GALNT17: variants seen among roughly 807,000 people sequenced by gnomAD.
The protein encoded by GALNT17 is UDP-GalNAc:polypeptide N-acetylgalactosaminyltransferase-like 3.
Under a neutral mutation model 63.7 loss-of-function variants are expected in GALNT17, and 29 were observed. That is an observed-to-expected ratio of 0.46 (90% CI 0.34 to 0.62). The LOEUF is 0.62. GALNT17 is among the 20% of genes least tolerant of loss of function. The pLI, the probability that GALNT17 is intolerant of heterozygous loss-of-function variation, is 0.01. For synonymous variants in GALNT17, 305 were observed against 318.3 expected (o/e 0.96, Z 0.45); for missense variants, 603 against 799.6 (o/e 0.75, Z 2.97).
At chr7:71,136,167 C>G (rs1787780546) in intron 1 of GALNT17, among the ~76,000 whole-genome samples, 1 of 152,196 alleles carries the variant, frequency 6.6e-6, no homozygotes, top group Non-Finnish European at 1.5e-5. Flanking sequence ...CCTCCGCCTG[C>G]TGCAGTGGGA....
In GALNT17 at chr7:71,146,180, G is replaced by C. The variant is rs1158056232; in HGVS notation, c.238+13140G>C. Among the ~76,000 whole-genome samples the C allele has an allele frequency of 2.0e-5, 3 of 152,092 alleles. No individual in the cohort carries two copies. The East Asian group carries it at 5.8e-4, about 29-fold the overall frequency. On this transcript the variant is annotated intron_variant, in intron 1 of 10. Transcript: ENST00000333538. ...GTCTCCTCTCAGCTCCCCACGCCCT[G>C]AGTGACTGCTGATCTCAAATGACAC...
chr7:71,622,206 G>A (rs74968761), intron 6 of GALNT17, among the ~76,000 whole-genome samples: 3,500 of 152,272 alleles, frequency 0.023, 141 homozygotes, highest in African/African-American at 0.079. Context: ...GCAACATGGC[G>A]GCTCTGCCAT....
intron 5 of GALNT17, among the ~76,000 whole-genome samples, chr7:71,440,498 C>T (rs896839968): frequency 7.2e-5 from 11 of 151,836 alleles, no homozygotes; most frequent in Admixed American, 2.0e-4. Context: ...CCTCAGCCTC[C>T]CAAGTAGCTG....
chr7:71,186,518 T>G (rs899115789), intron 1 of GALNT17, among the ~76,000 whole-genome samples: 3 of 152,128 alleles, frequency 2.0e-5, no homozygotes, highest in Admixed American at 2.0e-4. Context: ...AGCTGGAGAG[T>G]GTAAGAGCTT....
intron 6 of GALNT17, among the ~76,000 whole-genome samples, chr7:71,580,259 T>C (rs1285674402): frequency 6.6e-6 from 1 of 151,472 alleles, no homozygotes; most frequent in East Asian, 1.9e-4. Flanking sequence ...AAATAGATGA[T>C]AGTTTGATAG....
At chr7:71,565,409 T>TCTTTCCTCTCTC (rs1246246058) in intron 5 of GALNT17, among the ~76,000 whole-genome samples, 2 of 152,072 alleles carry the variant, frequency 1.3e-5, no homozygotes, top group African/African-American at 4.8e-5. Flanking sequence ...TCTGCTCCCC[T>TCTTTCCTCTCTC]CTTTCCTCTC....
intron 6 of GALNT17, among the ~76,000 whole-genome samples, chr7:71,632,477 G>A (rs917470255): frequency 6.6e-6 from 1 of 152,228 alleles, no homozygotes; most frequent in Non-Finnish European, 1.5e-5. Flanking sequence ...TCCATGAGGG[G>A]CCCTGTTCTG....
chr7:71,203,209 T>C (rs1490480886), intron 1 of GALNT17, among the ~76,000 whole-genome samples: 1 of 152,216 alleles, frequency 6.6e-6, no homozygotes, highest in East Asian at 1.9e-4. Flanking sequence ...TTTTAATTTT[T>C]TGAGGAGCCT....
At chr7:71,389,142 T>C (rs371044531) in intron 3 of GALNT17, among the ~76,000 whole-genome samples, 83 of 150,038 alleles carry the variant, frequency 5.5e-4, no homozygotes, top group Middle Eastern at 6.8e-3. Context: ...CCCCTGCCCT[T>C]TTTTTTTTTG....
chr7:71,239,790 A>G (rs1388043839), intron 1 of GALNT17, among the ~76,000 whole-genome samples: 1 of 152,202 alleles, frequency 6.6e-6, no homozygotes, highest in African/African-American at 2.4e-5. Flanking sequence ...AAATAACTTT[A>G]CTAGCTCACA....
At chr7:71,179,298 CT>C (rs1323065487) in intron 1 of GALNT17, among the ~76,000 whole-genome samples, 9 of 152,186 alleles carry the variant, frequency 5.9e-5, no homozygotes, top group Non-Finnish European at 1.0e-4. Flanking sequence ...CTCCTCCATG[CT>C]TTGAGTTGTC....
intron 2 of GALNT17, among the ~76,000 whole-genome samples, chr7:71,387,221 A>G (rs978424159): frequency 9.8e-5 from 9 of 91,884 alleles, no homozygotes; most frequent in African/African-American, 1.4e-4. Flanking sequence ...GGGTTTTGCC[A>G]TTACTTTTAA....
intron 1 of GALNT17, among the ~76,000 whole-genome samples, chr7:71,294,812 C>T (rs767407291): frequency 3.2e-4 from 49 of 152,182 alleles, no homozygotes; most frequent in South Asian, 6.2e-4. Context: ...TTAAACCTGA[C>T]CAGTTTAAAG....
At chr7:71,659,693 T>C (rs758413655) in intron 6 of GALNT17, among the ~76,000 whole-genome samples, 2 of 152,220 alleles carry the variant, frequency 1.3e-5, no homozygotes, top group African/African-American at 2.4e-5. Context: ...GGAAATAGGT[T>C]CAGCCTTTTT....
chr7:71,249,666 C>T (rs569597395), intron 1 of GALNT17, among the ~76,000 whole-genome samples: 1 of 152,232 alleles, frequency 6.6e-6, no homozygotes, highest in Admixed American at 6.5e-5. Flanking sequence ...TGATTTAATA[C>T]TTTGTGATAG....
chr7:71,515,042 G>T (rs1183322814), intron 5 of GALNT17, among the ~76,000 whole-genome samples: 1 of 152,152 alleles, frequency 6.6e-6, no homozygotes, highest in Non-Finnish European at 1.5e-5. Flanking sequence ...CATGTAAGAT[G>T]TGCCTTTGCT....
intron 1 of GALNT17, among the ~76,000 whole-genome samples, chr7:71,290,807 CAG>C (rs1473882471): frequency 6.6e-6 from 1 of 152,136 alleles, no homozygotes; most frequent in Non-Finnish European, 1.5e-5. Context: ...GCTCAGACTC[CAG>C]AGAGCCGTGT....
chr7:71,135,959 G>A (rs1042790879), intron 1 of GALNT17, among the ~76,000 whole-genome samples: 1 of 152,324 alleles, frequency 6.6e-6, no homozygotes, highest in South Asian at 2.1e-4. Flanking sequence ...GGCAAGCTAA[G>A]AATGCAAGCT....
At chr7:71,390,122 T>G (rs1219846187) in intron 3 of GALNT17, among the ~76,000 whole-genome samples, 1 of 152,150 alleles carries the variant, frequency 6.6e-6, no homozygotes, top group Non-Finnish European at 1.5e-5. Context: ...CAAGAAAGCT[T>G]ATCTTCTCAG....
Sources: gnomAD v4.1 joint callset for allele counts (sites outside exome capture counted in the v4.1 genomes callset) on GRCh38, gnomAD v4.1.1 for gene constraint, MANE v1.5 for transcripts, NCBI Gene and HGNC (gene_info 2026-07-23, HGNC 2026-07-21) for gene names.